MPHOSPH9: variants seen among roughly 807,000 people sequenced by gnomAD.
MPHOSPH9 encodes the protein M-phase phosphoprotein 9.
In MPHOSPH9, 88 loss-of-function variants were observed where a neutral mutation model predicts 145.5. The ratio of observed to expected loss-of-function variants is 0.60; its 90% CI spans 0.51 to 0.72. The LOEUF (loss-of-function observed/expected upper bound fraction) is 0.72. MPHOSPH9 is among the 30% of genes least tolerant of loss of function. The pLI, the probability that MPHOSPH9 is intolerant of heterozygous loss-of-function variation, is 0.00. For missense variants in MPHOSPH9, 1,238 were observed against 1,386.6 expected (o/e 0.89, Z 1.70); for synonymous variants, 435 against 486.2 (o/e 0.89, Z 1.39).
In MPHOSPH9 at chr12:123,230,275, G is replaced by C. The variant is rs901620782; in HGVS notation, c.90C>G (p.Asn30Lys). The change falls in exon 2 of 24, where the codon AAC becomes AAG. Residue 30 changes from asparagine (N) to lysine (K), a missense_variant. Around this residue, in one of 3 missense-constraint regions of MPHOSPH9, gnomAD observed 837 missense variants for 897.5 expected, o/e 0.93. Transcript: ENST00000606320. ...CCCATTCTTACCTATCAGTATTTAA[G>C]TTCAGTCCAAGAGAATGAAGAGAAT... Reference protein sequence around the residue: ...DENSLHSLGLNLNTDRSSPHL... With the variant: ...DENSLHSLGLKLNTDRSSPHL... 6 of 1,516,846 alleles carry C rather than the reference G, an allele frequency of 4.0e-6. No homozygotes were observed. The highest frequency in any genetic ancestry group is 5.3e-6 in the Non-Finnish European group (6 of 1,131,682). The allele number at this position is 1,516,846 out of a possible 1,614,324, so 94.0% of individuals were successfully genotyped here. A position where few individuals can be genotyped will look rare whatever the true frequency, so the allele number is the denominator to read the frequency against.
chr12:123,161,426 T>G (rs1368582865), intron 21 of MPHOSPH9, 43 bp from the exon 22 acceptor site: 1 of 1,603,648 alleles, frequency 6.2e-7, no homozygotes, highest in East Asian at 2.2e-5. Context: ...TTATCAATTT[T>G]TCGTGTAGGT....
Position 123,154,581 on chromosome 12 carries a change from G to A in MPHOSPH9, c.*2226C>T, listed in dbSNP as rs957730106. On this transcript the variant is annotated 3_prime_UTR_variant, in exon 24 of 24. Transcript: ENST00000606320. ...CCTTTTTTGGAATAAGCCAATATAG[G>A]CTACTAAGAAGATAATTCCTTGGCA... is the stretch of plus-strand genomic sequence containing the variant. The A allele has an allele frequency of 1.3e-5, 2 of 152,180 alleles. No individual in the cohort carries two copies. The highest frequency in any genetic ancestry group is 2.9e-5 in the Non-Finnish European group (2 of 68,038). 9.4% of individuals were successfully genotyped at this position (152,180 alleles called of 1,614,324 possible). A position where few individuals can be genotyped will look rare whatever the true frequency, so the allele number is the denominator to read the frequency against.
rs1384043608 is a variant in MPHOSPH9, at chr12:123,194,447, G to C, written c.2180C>G (p.Ala727Gly). The change falls in exon 13 of 24, where the codon GCT (alanine) becomes GGT (glycine). Residue 727 changes from alanine to glycine, a missense_variant. Ala to Gly is a moderately conservative substitution (Grantham distance 60). Transcript: ENST00000606320. ...TTCTTTATCATCTGAGAGTTTGTAA[G>C]CATTCTCAAATGCTTCTTCTAAATC... Reference protein sequence around the residue: ...LQDLEEAFENAYKLSDDKEAQ... With the variant: ...LQDLEEAFENGYKLSDDKEAQ... 2 of 1,609,730 alleles carry C rather than the reference G, an allele frequency of 1.2e-6. No individual in the cohort carries two copies. Among genetic ancestry groups the C allele is most frequent in the Non-Finnish European group, 1.7e-6 (2 of 1,178,568 alleles).
chr12:123,182,238 G>GT (rs1290057691), intron 13 of MPHOSPH9, among the ~76,000 whole-genome samples: 3 of 127,846 alleles, frequency 2.3e-5, no homozygotes, highest in East Asian at 2.8e-4. Flanking sequence ...CATGCCCGGT[G>GT]TTTTTTTTGT....
chr12:123,178,579 AG>A (rs1454008722), intron 15 of MPHOSPH9, among the ~76,000 whole-genome samples: 2 of 152,100 alleles, frequency 1.3e-5, no homozygotes, highest in African/African-American at 4.8e-5. Context: ...GCTGGAGTGC[AG>A]TGGCGTGATC....
At chr12:123,240,968 C>T (rs1404510904) in intron 1 of MPHOSPH9, among the ~76,000 whole-genome samples, 1 of 151,984 alleles carries the variant, frequency 6.6e-6, no homozygotes, top group Non-Finnish European at 1.5e-5. Context: ...CCCACCTTAG[C>T]CTCCCAAAGT....
chr12:123,227,568 C>A lies in MPHOSPH9; in HGVS notation c.153G>T (p.Lys51Asn). Residue 51 changes from lysine to asparagine, a missense_variant, in exon 3 of 24, where the codon AAG (lysine) becomes AAT (asparagine). Coordinates refer to ENST00000606320, the MANE Select transcript of MPHOSPH9 (RefSeq NM_022782.4). ...STNGVSSFSGKTRPSVIQGTV... is the reference protein window; with the variant it reads ...STNGVSSFSGNTRPSVIQGTV... The stretch of plus-strand genomic sequence containing the variant: ...TACCTTGAATTACAGATGGTCTGGT[C>A]TTCCCTGAGAAAGAGGATACCCCAT... 1 of 1,532,858 alleles carries A rather than the reference C, an allele frequency of 6.5e-7. No individual in the cohort carries two copies. Among genetic ancestry groups the A allele is most frequent in the Non-Finnish European group, 8.7e-7 (1 of 1,144,970 alleles). The allele number at this position is 1,532,858 out of a possible 1,614,324, so 95.0% of individuals were successfully genotyped here.
At chr12:123,183,937 G>A (rs556060345) in intron 13 of MPHOSPH9, among the ~76,000 whole-genome samples, 4 of 152,196 alleles carry the variant, frequency 2.6e-5, no homozygotes, top group African/African-American at 7.2e-5. Flanking sequence ...AAAACACCCA[G>A]GGCAGGTCAC....
At chr12:123,177,607 C>T (rs776457390) in intron 15 of MPHOSPH9, among the ~76,000 whole-genome samples, 1 of 151,962 alleles carries the variant, frequency 6.6e-6, no homozygotes, top group Non-Finnish European at 1.5e-5. Flanking sequence ...TACATTAAAA[C>T]TCTACAAAGG....
At chr12:123,223,208 G>T in intron 3 of MPHOSPH9, 81 bp from the exon 4 acceptor site, 1 of 861,008 alleles carries the variant, frequency 1.2e-6, no homozygotes, top group Non-Finnish European at 1.6e-6. Flanking sequence ...GTGTAAAAGA[G>T]CCCTTTTTAG....
rs1436172509 is a variant in MPHOSPH9 at position 123,156,752 on chromosome 12, CA to C, written c.*54del. 20 of 1,428,924 alleles carry C rather than the reference CA, an allele frequency of 1.4e-5. No individual in the cohort carries two copies. Among genetic ancestry groups the C allele is most frequent in the Admixed American group, 6.9e-5 (4 of 58,296 alleles). The allele number at this position is 1,428,924 out of a possible 1,614,324, so 88.5% of individuals were successfully genotyped here. On this transcript the variant is annotated 3_prime_UTR_variant, in exon 24 of 24. Coordinates refer to ENST00000606320, the MANE Select transcript of MPHOSPH9 (RefSeq NM_022782.4). Reference sequence around the variant, plus strand: ...CAAAATAGTTTGCCTTTTCTGACTGCATAATTATACATTAGTGCAAACAAAA... The same window carrying C: ...CAAAATAGTTTGCCTTTTCTGACTGCTAATTATACATTAGTGCAAACAAAA...
intron 13 of MPHOSPH9, among the ~76,000 whole-genome samples, chr12:123,181,809 G>A (rs983881963): frequency 1.3e-5 from 2 of 152,086 alleles, no homozygotes; most frequent in Non-Finnish European, 2.9e-5. Flanking sequence ...TGAGACTGCA[G>A]TGAGCTTGTA....
At chr12:123,222,680 A>T (rs1324863926) in intron 4 of MPHOSPH9, among the ~76,000 whole-genome samples, 1 of 151,906 alleles carries the variant, frequency 6.6e-6, no homozygotes, top group Non-Finnish European at 1.5e-5. Context: ...AAATAAAAGT[A>T]AAAAAGGGCT....
At chr12:123,188,020 A>C (rs922673113) in intron 13 of MPHOSPH9, among the ~76,000 whole-genome samples, 6 of 152,076 alleles carry the variant, frequency 3.9e-5, no homozygotes, top group African/African-American at 1.2e-4. Context: ...CCAGCTATTC[A>C]GGAGGTTGAG....
chr12:123,205,335 C>T (rs1386262615), intron 8 of MPHOSPH9, among the ~76,000 whole-genome samples: 1 of 152,174 alleles, frequency 6.6e-6, no homozygotes, highest in Non-Finnish European at 1.5e-5. Context: ...CACTTGAGGT[C>T]AGAAGTTCGA....
At chr12:123,162,811 A>C (rs1593063094) in intron 20 of MPHOSPH9, 2 of 454,244 alleles carry the variant, frequency 4.4e-6, no homozygotes, top group East Asian at 7.3e-5. Context: ...AAAATCTAGT[A>C]GTAGCAAGTT....
Position 123,166,721 on chromosome 12 carries a change from G to A in MPHOSPH9, c.2525C>T (p.Thr842Ile). Residue 842 changes from threonine to isoleucine, a missense_variant, in exon 17 of 24, where the codon ACT (threonine) becomes ATT (isoleucine). Transcript: ENST00000606320. The stretch of plus-strand genomic sequence containing the variant: ...GTCCTGGGTGTCCAGAGGCTGGCCA[G>A]TAAAGATGGAATACTCTGCACCTGG... Reference protein sequence around the residue: ...LIPGAEYSIFTGQPLDTQDSN... With the variant: ...LIPGAEYSIFIGQPLDTQDSN... 2 of 1,614,114 alleles carry A rather than the reference G, an allele frequency of 1.2e-6. No individual in the cohort carries two copies. The highest frequency in any genetic ancestry group is 1.1e-5 in the South Asian group (1 of 91,064).
At chr12:123,154,185 A>G (rs979487065), downstream of MPHOSPH9, 7 of 150,400 alleles carry the variant, frequency 4.7e-5, no homozygotes, top group African/African-American at 9.8e-5. Context: ...TTTAAAAGGC[A>G]CTTCCCAGAG....
At chr12:123,183,496 C>T (rs4759406) in intron 13 of MPHOSPH9, among the ~76,000 whole-genome samples, 7,478 of 129,862 alleles carry the variant, frequency 0.058, 331 homozygotes, top group East Asian at 0.32. Context: ...TGCAGTGAAC[C>T]GAGATGGTGC....
Sources: gnomAD v4.1 joint callset for allele counts (sites outside exome capture counted in the v4.1 genomes callset) on GRCh38, gnomAD v4.1.1 for gene constraint, gnomAD v4.1.1 regional missense constraint, MANE v1.5 for transcripts, NCBI Gene and HGNC (gene_info 2026-07-23, HGNC 2026-07-21) for gene names.